CDC42BPB: variants seen among roughly 807,000 people sequenced by gnomAD.
The protein encoded by CDC42BPB is CDC42 binding protein kinase beta.
A neutral mutation model predicts 214.9 loss-of-function variants in CDC42BPB; 37 were observed. The observed-to-expected ratio is 0.17, with a 90% CI of 0.13 to 0.23. The LOEUF (loss-of-function observed/expected upper bound fraction) is 0.23, where lower values mean the gene tolerates loss of function less well. Among genes scored for constraint, CDC42BPB ranks in the 10% least tolerant of loss-of-function variants. CDC42BPB has a pLI of 1.00. For synonymous variants in CDC42BPB, 931 were observed against 884.0 expected, an observed-to-expected ratio of 1.05 and a Z score of -0.94; for missense variants, 1,694 against 2,227.0, an observed-to-expected ratio of 0.76 and a Z score of 4.82.
intron 1 of CDC42BPB, among the ~76,000 whole-genome samples, chr14:103,031,662 T>C (rs908214263): frequency 6.6e-6 from 1 of 152,196 alleles, no homozygotes; most frequent in Non-Finnish European, 1.5e-5. Context: ...CACGCAGGCC[T>C]TTCCCCAGTG....
intron 20 of CDC42BPB, among the ~76,000 whole-genome samples, chr14:102,962,665 C>A (rs545682008): frequency 1.7e-4 from 26 of 152,240 alleles, no homozygotes; most frequent in African/African-American, 5.5e-4. Flanking sequence ...GCCTGGCCAA[C>A]GTGGCAAAAC....
intron 5 of CDC42BPB, among the ~76,000 whole-genome samples, chr14:102,998,882 G>A (rs1019533012): frequency 3.9e-5 from 6 of 152,042 alleles, no homozygotes; most frequent in South Asian, 2.1e-4. Context: ...TGAGCCCCAC[G>A]TGAGCCCCAG....
Position 102,954,263 on chromosome 14 carries a change from G to T in CDC42BPB, c.3001C>A (p.Pro1001Thr). Residue 1001 changes from proline (P) to threonine (T), a missense_variant, in exon 23 of 37, where the codon CCC (proline) becomes ACC (threonine). Transcript: ENST00000361246. ...GGCACAGCGGATGGCCTCTGCGGGG[G>T]CCGAGCCATGTCCTGGGAGACAAGC... ...ASEQQEDMAR[P>T]PQRPSAVPLP... 1 of 1,531,348 alleles carries T rather than the reference G, an allele frequency of 6.5e-7. No individual in the cohort carries two copies. The highest frequency in any genetic ancestry group is 8.8e-7 in the Non-Finnish European group (1 of 1,141,348). 94.9% of individuals were successfully genotyped at this position (1,531,348 alleles called of 1,614,324 possible).
chr14:102,966,461 C>T, intron 17 of CDC42BPB, 74 bp from the exon 18 acceptor site: 1 of 1,584,418 alleles, frequency 6.3e-7, no homozygotes, highest in Non-Finnish European at 8.6e-7. Context: ...AGGGGACGTT[C>T]CCGCCTTCCT....
chr14:102,968,411 C>T (rs954340644), intron 15 of CDC42BPB, 53 bp from the exon 16 acceptor site: 46 of 1,611,572 alleles, frequency 2.9e-5, no homozygotes, highest in Admixed American at 1.0e-4. Context: ...CACTGATATT[C>T]GTATCTATGG....
chr14:102,939,538 G>T, intron 34 of CDC42BPB, 72 bp downstream of exon 34: 1 of 1,121,680 alleles, frequency 8.9e-7, no homozygotes, highest in Non-Finnish European at 1.4e-6. Flanking sequence ...GACAGTCTCA[G>T]CCAGCATGGC....
At chr14:102,939,088 C>A (rs746641861) in intron 34 of CDC42BPB, among the ~76,000 whole-genome samples, 1 of 152,132 alleles carries the variant, frequency 6.6e-6, no homozygotes, top group Non-Finnish European at 1.5e-5. Flanking sequence ...AGGCACCTGC[C>A]GCCACACCCA....
intron 24 of CDC42BPB, among the ~76,000 whole-genome samples, chr14:102,951,762 G>A (rs1426258162): frequency 1.3e-5 from 2 of 152,056 alleles, no homozygotes; most frequent in African/African-American, 4.8e-5. Context: ...ACTCTAGCCT[G>A]GGCAACAGAG....
intron 4 of CDC42BPB, 122 bp downstream of exon 4, chr14:103,003,806 T>A: frequency 1.5e-6 from 1 of 660,482 alleles, no homozygotes. Flanking sequence ...CGCCGTTTTA[T>A]CGAGTCCAAT....
intron 25 of CDC42BPB, 67 bp downstream of exon 25, chr14:102,950,399 G>A (rs1001217446): frequency 5.2e-5 from 83 of 1,582,030 alleles, no homozygotes; most frequent in Non-Finnish European, 6.9e-5. Context: ...AAGAGTGGCT[G>A]GGCATGGCTA....
At position 102,933,334 on chromosome 14, in the gene CDC42BPB, G is replaced by A. The variant is rs996183684; in HGVS notation, c.*378C>T. ...GTTTCAGGAACTAGGGAAAAGACTG[G>A]GTACTGAGGCTGTGTCCCCAGATGT... On this transcript the variant is annotated 3_prime_UTR_variant, in exon 37 of 37. Coordinates refer to ENST00000361246, the MANE Select transcript of CDC42BPB (RefSeq NM_006035.4). The A allele has an allele frequency of 1.1e-5, 2 of 188,832 alleles. No homozygotes were observed. The highest frequency in any genetic ancestry group is 2.3e-5 in the African/African-American group (1 of 42,846). The allele number at this position is 188,832 out of a possible 1,614,324, so 11.7% of individuals were successfully genotyped here.
At chr14:102,949,441 A>T (rs552903157) in intron 26 of CDC42BPB, among the ~76,000 whole-genome samples, 3 of 151,980 alleles carry the variant, frequency 2.0e-5, no homozygotes, top group Admixed American at 2.0e-4. Flanking sequence ...TTTCTCTGGG[A>T]TATCTTCTGC....
At chr14:103,056,600 A>G (rs973397507) in intron 1 of CDC42BPB, among the ~76,000 whole-genome samples, 1 of 131,160 alleles carries the variant, frequency 7.6e-6, no homozygotes, top group Non-Finnish European at 1.6e-5. Context: ...CGGATATCCC[A>G]GTGAGTGCTG....
chr14:102,946,409 A>T lies in CDC42BPB; in HGVS notation c.3748+59T>A. The stretch of plus-strand genomic sequence containing the variant: ...CATCTGATTTTCAGATGGGCACTGC[A>T]GCGCCGCCGGAAGTGCTGTTGCTTC... On this transcript the variant is annotated intron_variant, in intron 28 of 36. Transcript: ENST00000361246. 9.5e-6 allele frequency: 15 copies of T among 1,574,538 alleles called. No individual in the cohort carries two copies. The South Asian group carries it at 1.7e-4, about 18-fold the overall frequency.
intron 30 of CDC42BPB, chr14:102,941,312 C>T: frequency 2.0e-6 from 2 of 985,484 alleles, no homozygotes; most frequent in Non-Finnish European, 2.4e-6. Context: ...TCAGGACACA[C>T]CTCACTGTCT....
intron 26 of CDC42BPB, among the ~76,000 whole-genome samples, chr14:102,948,761 T>C (rs1892339906): frequency 1.3e-5 from 2 of 150,814 alleles, no homozygotes; most frequent in Non-Finnish European, 3.0e-5. Context: ...GTGGAAATGC[T>C]GTTCTGAAGA....
At chr14:103,041,545 C>A in intron 1 of CDC42BPB, 14 of 1,351,622 alleles carry the variant, frequency 1.0e-5, no homozygotes, top group Non-Finnish European at 1.5e-5. Flanking sequence ...CATGGTTCAA[C>A]CAGCCGGCCC....
Position 102,972,256 on chromosome 14 carries a change from G to A in CDC42BPB, c.1642-95C>T, listed in dbSNP as rs540022838. 9.1e-5 allele frequency: 141 copies of A among 1,550,114 alleles called. 1 individual carries two copies. The South Asian group carries it at 1.7e-3, about 18-fold the overall frequency. On this transcript the variant is annotated intron_variant, in intron 12 of 36. Coordinates refer to ENST00000361246, the MANE Select transcript of CDC42BPB (RefSeq NM_006035.4). ...TCCATGATATTGAGGAGTTAAAAGCGACAGCCAATGCTGGTTACAGATTAG... is the reference window on the plus strand; with the variant it reads ...TCCATGATATTGAGGAGTTAAAAGCAACAGCCAATGCTGGTTACAGATTAG...
At chr14:103,021,634 C>G (rs915086088) in intron 1 of CDC42BPB, among the ~76,000 whole-genome samples, 3 of 150,506 alleles carry the variant, frequency 2.0e-5, no homozygotes, top group African/African-American at 7.4e-5. Flanking sequence ...GACCCGAGAT[C>G]GTGCCACTGC....
Sources: allele counts gnomAD v4.1 joint callset (sites outside exome capture counted in the v4.1 genomes callset), GRCh38; gene constraint gnomAD v4.1.1; transcripts MANE v1.5; gene names NCBI Gene and HGNC (gene_info 2026-07-23, HGNC 2026-07-21).